ABCC4: variants seen among roughly 807,000 people sequenced by gnomAD.
ABCC4 encodes ATP binding cassette subfamily C member 4 (PEL blood group), also known as ATP-binding cassette sub-family C member 4.
A neutral mutation model predicts 168.5 loss-of-function variants in ABCC4; 102 were observed. The observed-to-expected ratio is 0.61, with a 90% CI of 0.52 to 0.71. The LOEUF (loss-of-function observed/expected upper bound fraction) is 0.71, where lower values mean the gene tolerates loss of function less well. Among genes scored for constraint, ABCC4 ranks in the 30% least tolerant of loss-of-function variants. ABCC4 has a pLI of 0.00. For synonymous variants in ABCC4, 617 were observed against 590.7 expected (o/e 1.04, Z -0.65); for missense variants, 1,402 against 1,605.8 (o/e 0.87, Z 2.17).
At chr13:95,209,089 T>A (rs2038872264) in intron 6 of ABCC4, among the ~76,000 whole-genome samples, 1 of 152,252 alleles carries the variant, frequency 6.6e-6, no homozygotes, top group Non-Finnish European at 1.5e-5. Flanking sequence ...GGTAAAGATG[T>A]ATGCAGCTAG....
intron 1 of ABCC4, among the ~76,000 whole-genome samples, chr13:95,277,602 A>G (rs1295245987): frequency 6.6e-6 from 1 of 150,878 alleles, no homozygotes; most frequent in Non-Finnish European, 1.5e-5. Flanking sequence ...AAATCCACAA[A>G]GAAAGTAGGG....
chr13:95,269,381 G>A lies in ABCC4; in HGVS notation c.75-21628C>T, dbSNP rs1338281649. On this transcript the variant is annotated intron_variant, in intron 1 of 30. Transcript: ENST00000645237. ...GTGGAGGCTGCAGTGAGCTGAGACT[G>A]CGCCACTGCACTCCAGCCTGGGTGA... 1.8e-5 allele frequency: 8 copies of A among 446,000 alleles called. No homozygotes were observed. The East Asian group carries it at 5.8e-4, about 32-fold the overall frequency. 27.6% of individuals were successfully genotyped at this position (446,000 alleles called of 1,614,324 possible).
intron 1 of ABCC4, among the ~76,000 whole-genome samples, chr13:95,274,843 G>A (rs1371712786): frequency 3.9e-5 from 6 of 152,282 alleles, no homozygotes; most frequent in East Asian, 1.9e-4. Context: ...TTGGGAGGCC[G>A]AGGCAGGCGG....
At chr13:95,187,397 G>C (rs1379120636) in intron 10 of ABCC4, among the ~76,000 whole-genome samples, 1 of 152,150 alleles carries the variant, frequency 6.6e-6, no homozygotes, top group African/African-American at 2.4e-5. Flanking sequence ...TTGAGGCCAG[G>C]AGTTCGAGAC....
chr13:95,053,080 C>T lies in ABCC4; in HGVS notation c.3456+15G>A, dbSNP rs2032907562. On this transcript the variant is annotated intron_variant, in intron 27 of 30. Transcript: ENST00000645237. Reference sequence around the variant, plus strand: ...GAGGCTAACAGACTAAAGATAATTACATTTTATCAATTACCTCTTGTAAGG... The same window carrying T: ...GAGGCTAACAGACTAAAGATAATTATATTTTATCAATTACCTCTTGTAAGG... 2.5e-6 allele frequency: 4 copies of T among 1,597,956 alleles called. No individual in the cohort carries two copies. Among genetic ancestry groups the T allele is most frequent in the East Asian group, 2.2e-5 (1 of 44,788 alleles).
chr13:95,038,980 G>A (rs1295035319), intron 29 of ABCC4, among the ~76,000 whole-genome samples: 1 of 152,218 alleles, frequency 6.6e-6, no homozygotes, highest in Non-Finnish European at 1.5e-5. Context: ...CAGCAGGAAT[G>A]AGGGCAGAGG....
chr13:95,212,406 C>G (rs1485702984), intron 4 of ABCC4, among the ~76,000 whole-genome samples: 1 of 152,186 alleles, frequency 6.6e-6, no homozygotes, highest in Non-Finnish European at 1.5e-5. Context: ...GAAAATACCA[C>G]ATTTTTAAAG....
intron 9 of ABCC4, among the ~76,000 whole-genome samples, chr13:95,194,096 C>T (rs1469954268): frequency 6.6e-6 from 1 of 152,198 alleles, no homozygotes; most frequent in African/African-American, 2.4e-5. Flanking sequence ...GAGGAGGGCA[C>T]TGGAGTTGTG....
At chr13:95,297,959 T>G (rs776296060) in intron 1 of ABCC4, among the ~76,000 whole-genome samples, 11 of 150,954 alleles carry the variant, frequency 7.3e-5, no homozygotes, top group African/African-American at 2.2e-4. Context: ...TGATGATTAT[T>G]ATTATTTTCT....
intron 3 of ABCC4, among the ~76,000 whole-genome samples, chr13:95,242,841 C>A (rs2039984514): frequency 6.6e-6 from 1 of 152,006 alleles, no homozygotes; most frequent in South Asian, 2.1e-4. Flanking sequence ...AGTATTTATA[C>A]TAGAATTCAG....
At chr13:95,186,239 TACAATTACAGATAA>T (rs1410978244) in intron 11 of ABCC4, among the ~76,000 whole-genome samples, 1 of 125,364 alleles carries the variant, frequency 8.0e-6, no homozygotes, top group Non-Finnish European at 1.8e-5. Context: ...ACAGATAAAA[TACAATTACAGATAA>T]AATACAATTG....
chr13:95,207,950 T>A, intron 6 of ABCC4, 25 bp from the exon 7 acceptor site: 1 of 1,608,572 alleles, frequency 6.2e-7, no homozygotes, highest in Non-Finnish European at 8.5e-7. Flanking sequence ...ACACGGGAGA[T>A]GAGCCTGAGC....
intron 4 of ABCC4, among the ~76,000 whole-genome samples, chr13:95,217,414 C>T (rs2039148155): frequency 6.6e-6 from 1 of 151,940 alleles, no homozygotes; most frequent in Non-Finnish European, 1.5e-5. Context: ...GATGTCTTTC[C>T]CCCCTCTCTA....
intron 25 of ABCC4, among the ~76,000 whole-genome samples, chr13:95,064,662 A>G (rs2033462702): frequency 6.6e-6 from 1 of 152,046 alleles, no homozygotes; most frequent in Non-Finnish European, 1.5e-5. Context: ...AAACCTGGAC[A>G]TTTGTAGGCC....
intron 30 of ABCC4, among the ~76,000 whole-genome samples, chr13:95,029,174 A>ATC (rs1566355082): frequency 4.5e-4 from 10 of 22,046 alleles, no homozygotes; most frequent in African/African-American, 1.7e-3. Context: ...ATACATATAT[A>ATC]TATATATATA....
chr13:95,246,073 C>T (rs917378305), intron 3 of ABCC4, among the ~76,000 whole-genome samples: 2 of 152,188 alleles, frequency 1.3e-5, no homozygotes, highest in Non-Finnish European at 2.9e-5. Context: ...AAGACCAGAA[C>T]GGACAAGCTA....
rs138298841 is a variant in ABCC4 at position 95,116,821 on chromosome 13, G to A, written c.2456-820C>T. Among the ~76,000 whole-genome samples, 806 of 152,234 alleles carry A rather than the reference G, an allele frequency of 5.3e-3. 3 individuals are homozygous for A. Among genetic ancestry groups the A allele is most frequent in the South Asian group, 1.0e-2 (48 of 4,804 alleles). On this transcript the variant is annotated intron_variant, in intron 19 of 30. Coordinates refer to ENST00000645237, the MANE Select transcript of ABCC4 (RefSeq NM_005845.5). ...TGGAAGCTATACACACATAGCCTACGTGGATGCAGGTGACCCCTGAGAAGT... is the reference window on the plus strand; with the variant it reads ...TGGAAGCTATACACACATAGCCTACATGGATGCAGGTGACCCCTGAGAAGT...
intron 30 of ABCC4, among the ~76,000 whole-genome samples, chr13:95,026,882 C>A (rs1381354767): frequency 2.0e-5 from 2 of 97,646 alleles, no homozygotes; most frequent in African/African-American, 8.3e-5. Context: ...GAGCAAGACC[C>A]TGTCTCAAAA....
chr13:95,272,122 G>A (rs1232916191), intron 1 of ABCC4, among the ~76,000 whole-genome samples: 1 of 151,394 alleles, frequency 6.6e-6, no homozygotes, highest in African/African-American at 2.4e-5. Flanking sequence ...TCGGCTCACT[G>A]CAACCTCCAC....
Sources: allele counts gnomAD v4.1 joint callset (sites outside exome capture counted in the v4.1 genomes callset), GRCh38; gene constraint gnomAD v4.1.1; transcripts MANE v1.5; gene names NCBI Gene and HGNC (gene_info 2026-07-23, HGNC 2026-07-21).